Variants in ENOX1 observed in about 807,000 individuals in gnomAD.
ENOX1 encodes ecto-NOX disulfide-thiol exchanger 1.
ENOX1 carries 42 observed loss-of-function variants against 82.5 expected under a neutral mutation model. The ratio of observed to expected loss-of-function variants is 0.51; its 90% CI spans 0.40 to 0.66. The LOEUF (loss-of-function observed/expected upper bound fraction) is 0.66. Among genes scored for constraint, ENOX1 ranks in the 30% least tolerant of loss-of-function variants. ENOX1 has a pLI of 0.00. For missense variants in ENOX1, 608 were observed against 811.6 expected, an observed-to-expected ratio of 0.75 and a Z score of 3.05; for synonymous variants, 271 against 282.2, an observed-to-expected ratio of 0.96 and a Z score of 0.40.
At chr13:43,732,398 T>C (rs1030801976) in intron 1 of ENOX1, among the ~76,000 whole-genome samples, 12 of 152,224 alleles carry the variant, frequency 7.9e-5, no homozygotes, top group African/African-American at 2.9e-4. Flanking sequence ...AAATCCTCAT[T>C]ACCAAAGACT....
chr13:43,359,774 C>A, intron 7 of ENOX1, 77 bp downstream of exon 7: 1 of 1,372,682 alleles, frequency 7.3e-7, no homozygotes, highest in Non-Finnish European at 1.0e-6. Context: ...TGCATGAAGG[C>A]CAAAGGGAAT....
At chr13:43,312,768 G>T (rs1012634629) in intron 11 of ENOX1, among the ~76,000 whole-genome samples, 1 of 152,082 alleles carries the variant, frequency 6.6e-6, no homozygotes, top group Admixed American at 6.5e-5. Flanking sequence ...AATTTTTAAG[G>T]GTGGCATTTC....
chr13:43,721,132 G>A (rs940322615), intron 1 of ENOX1, among the ~76,000 whole-genome samples: 1 of 152,118 alleles, frequency 6.6e-6, no homozygotes, highest in African/African-American at 2.4e-5. Context: ...ACTGAGTTTT[G>A]TGCAGTGTTT....
intron 1 of ENOX1, among the ~76,000 whole-genome samples, chr13:43,724,190 G>C (rs1156757212): frequency 6.6e-6 from 1 of 152,098 alleles, no homozygotes; most frequent in African/African-American, 2.4e-5. Context: ...TGTCTACTTT[G>C]CCTCTCCACC....
intron 1 of ENOX1, among the ~76,000 whole-genome samples, chr13:43,759,831 G>T (rs1435569542): frequency 1.3e-5 from 2 of 151,974 alleles, no homozygotes; most frequent in Non-Finnish European, 2.9e-5. Context: ...ATCATATTAG[G>T]GCATATCCAC....
chr13:43,714,001 A>T, intron 1 of ENOX1, among the ~76,000 whole-genome samples: 1 of 137,590 alleles, frequency 7.3e-6, no homozygotes, highest in African/African-American at 2.8e-5. Context: ...TTTAATTGTG[A>T]TGTTAGGGTG....
intron 16 of ENOX1, among the ~76,000 whole-genome samples, chr13:43,216,013 G>A (rs1283946324): frequency 6.6e-6 from 1 of 152,120 alleles, no homozygotes; most frequent in Non-Finnish European, 1.5e-5. Context: ...TGGCTAACAT[G>A]GTAAAACCCT....
At chr13:43,375,271 TGA>T (rs148509398) in intron 5 of ENOX1, among the ~76,000 whole-genome samples, 2 of 149,272 alleles carry the variant, frequency 1.3e-5, no homozygotes, top group African/African-American at 2.5e-5. Flanking sequence ...GGGGGGTGAG[TGA>T]GAGAGAGAGA....
intron 5 of ENOX1, among the ~76,000 whole-genome samples, chr13:43,382,130 T>C (rs1312519776): frequency 6.6e-6 from 1 of 152,082 alleles, no homozygotes; most frequent in African/African-American, 2.4e-5. Context: ...TTTTAGCAAA[T>C]TGAATATAGT....
At chr13:43,541,721 A>G (rs1228392772) in intron 2 of ENOX1, among the ~76,000 whole-genome samples, 1 of 152,134 alleles carries the variant, frequency 6.6e-6, no homozygotes, top group Non-Finnish European at 1.5e-5. Flanking sequence ...CTTCCCTAAC[A>G]CAATACTCGA....
chr13:43,424,650 C>A (rs2055178939), intron 3 of ENOX1, among the ~76,000 whole-genome samples: 1 of 152,218 alleles, frequency 6.6e-6, no homozygotes, highest in African/African-American at 2.4e-5. Flanking sequence ...GGAGCGTTAG[C>A]AGAACACACC....
chr13:43,447,681 A>C (rs1257211426), intron 3 of ENOX1, among the ~76,000 whole-genome samples: 2 of 152,190 alleles, frequency 1.3e-5, no homozygotes, highest in East Asian at 3.8e-4. Flanking sequence ...AGCATAAAAC[A>C]GCCAGCTATA....
chr13:43,609,439 A>T (rs2082108636), intron 2 of ENOX1, among the ~76,000 whole-genome samples: 1 of 152,228 alleles, frequency 6.6e-6, no homozygotes, highest in African/African-American at 2.4e-5. Flanking sequence ...TTTTGGTACA[A>T]TGAATAATTC....
chr13:43,725,995 CT>C, intron 1 of ENOX1, among the ~76,000 whole-genome samples: 1 of 151,704 alleles, frequency 6.6e-6, no homozygotes, highest in East Asian at 1.9e-4. Flanking sequence ...GATTATCTTA[CT>C]TTCTTTGGTA....
At chr13:43,245,895 C>T (rs1170470254) in intron 14 of ENOX1, among the ~76,000 whole-genome samples, 1 of 152,198 alleles carries the variant, frequency 6.6e-6, no homozygotes, top group Non-Finnish European at 1.5e-5. Flanking sequence ...TGTCTTTAGA[C>T]AACTCCAAGA....
chr13:43,469,220 A>G, intron 3 of ENOX1, among the ~76,000 whole-genome samples: 1 of 152,134 alleles, frequency 6.6e-6, no homozygotes, highest in East Asian at 1.9e-4. Context: ...TACTAAGATG[A>G]TTGTATGTTT....
chr13:43,615,376 G>A (rs777286347), intron 2 of ENOX1, among the ~76,000 whole-genome samples: 7 of 152,090 alleles, frequency 4.6e-5, no homozygotes, highest in Non-Finnish European at 7.3e-5. Context: ...ATGTATGTGT[G>A]TCGCATACAT....
Position 43,690,747 on chromosome 13 carries a change from G to A in ENOX1, c.-284-23203C>T, listed in dbSNP as rs76307446. ...TTTTATAGGGTCATCATTATTCAAC[G>A]TCTCCTAGCTTCAAATATCATCTGC... is the stretch of plus-strand genomic sequence containing the variant. On this transcript the variant is annotated intron_variant, in intron 1 of 16. Transcript: ENST00000690772. Among the ~76,000 whole-genome samples, 180 of 152,228 alleles carry A rather than the reference G, an allele frequency of 1.2e-3. 5 individuals carry two copies. The East Asian group carries it at 0.024, about 21-fold the overall frequency.
intron 7 of ENOX1, among the ~76,000 whole-genome samples, 183 bp from the exon 8 acceptor site, chr13:43,356,335 T>C (rs2050155192): frequency 6.6e-6 from 1 of 152,168 alleles, no homozygotes; most frequent in Non-Finnish European, 1.5e-5. Flanking sequence ...TCTGTAAAGT[T>C]AGGCCTATTA....
Sources: gnomAD v4.1 joint callset for allele counts (sites outside exome capture counted in the v4.1 genomes callset) on GRCh38, gnomAD v4.1.1 for gene constraint, MANE v1.5 for transcripts, NCBI Gene and HGNC (gene_info 2026-07-23, HGNC 2026-07-21) for gene names.